SAE1: variants seen among roughly 807,000 people sequenced by gnomAD.
SAE1 encodes the protein SUMO1 activating enzyme subunit 1.
SAE1 carries 11 observed loss-of-function variants against 40.6 expected under a neutral mutation model. The ratio of observed to expected loss-of-function variants is 0.27; its 90% CI spans 0.17 to 0.45. SAE1 has a LOEUF of 0.45. SAE1 is among the 20% of genes least tolerant of loss of function. SAE1 has a pLI of 1.00. For missense variants in SAE1, 373 were observed against 427.3 expected (o/e 0.87, Z 1.12); for synonymous variants, 155 against 154.3 (o/e 1.00, Z -0.03).
intron 2 of SAE1, among the ~76,000 whole-genome samples, chr19:47,144,763 C>G (rs1267967975): frequency 2.0e-5 from 3 of 152,144 alleles, no homozygotes; most frequent in Non-Finnish European, 4.4e-5. Context: ...TGTGGGCAGA[C>G]TGCTTTGTAT....
intron 7 of SAE1, among the ~76,000 whole-genome samples, chr19:47,201,454 C>T (rs1178213769): frequency 1.5e-5 from 2 of 133,118 alleles, no homozygotes; most frequent in Non-Finnish European, 3.1e-5. Context: ...TTATTGCAAC[C>T]TCTGCCTCCC....
At chr19:47,200,656 G>A (rs756273086) in intron 7 of SAE1, among the ~76,000 whole-genome samples, 8 of 152,084 alleles carry the variant, frequency 5.3e-5, no homozygotes, top group Non-Finnish European at 7.4e-5. Flanking sequence ...ATAGACAGGC[G>A]TCAGCCACTT....
intron 6 of SAE1, among the ~76,000 whole-genome samples, chr19:47,189,244 T>C (rs1321046068): frequency 2.6e-5 from 4 of 152,166 alleles, no homozygotes; most frequent in Non-Finnish European, 4.4e-5. Flanking sequence ...TTTCCAGAGA[T>C]AGCGACTCTC....
chr19:47,162,267 T>G (rs909446295), intron 5 of SAE1, among the ~76,000 whole-genome samples: 8 of 152,250 alleles, frequency 5.3e-5, no homozygotes, highest in African/African-American at 1.9e-4. Flanking sequence ...ATGCTCATAA[T>G]TTGCTGTTAC....
rs190847017 is a variant in SAE1, at chr19:47,175,507, T to C, written c.733+5584T>C. Reference sequence around the variant, plus strand: ...ATCCCAGCACATTGTGAGGCTGAGGTGGGCAGATCATTTGAAGTCAGGAGT... The same window carrying C: ...ATCCCAGCACATTGTGAGGCTGAGGCGGGCAGATCATTTGAAGTCAGGAGT... On this transcript the variant is annotated intron_variant, in intron 6 of 8. Transcript: ENST00000270225. Among the ~76,000 whole-genome samples the C allele has an allele frequency of 5.5e-4, 83 of 152,170 alleles. 1 individual carries two copies. The East Asian group carries it at 7.7e-3, about 14-fold the overall frequency.
At chr19:47,204,260 C>T (rs1600220207) in intron 8 of SAE1, among the ~76,000 whole-genome samples, 2 of 137,640 alleles carry the variant, frequency 1.5e-5, no homozygotes, top group African/African-American at 2.8e-5. Flanking sequence ...TGCAGTAGCA[C>T]GATCTCAGAT....
intron 6 of SAE1, among the ~76,000 whole-genome samples, chr19:47,172,084 A>G (rs2058438394): frequency 6.8e-6 from 1 of 147,986 alleles, no homozygotes; most frequent in Admixed American, 6.8e-5. Context: ...ACACCCAGCT[A>G]ATTTTTGTAT....
At chr19:47,179,045 A>G (rs1326074023) in intron 6 of SAE1, among the ~76,000 whole-genome samples, 1 of 151,718 alleles carries the variant, frequency 6.6e-6, no homozygotes, top group African/African-American at 2.4e-5. Flanking sequence ...TACAAAAATT[A>G]GCCGGGCGTG....
intron 8 of SAE1, among the ~76,000 whole-genome samples, chr19:47,204,507 C>CG (rs895988815): frequency 2.9e-5 from 4 of 139,738 alleles, no homozygotes; most frequent in Non-Finnish European, 4.6e-5. Context: ...CGCACCCCCC[C>CG]CCTTTTTTTT....
chr19:47,147,215 T>G (rs1014325129), intron 2 of SAE1, among the ~76,000 whole-genome samples: 40 of 140,386 alleles, frequency 2.8e-4, no homozygotes, highest in African/African-American at 1.0e-3. Flanking sequence ...TTTTTTTTTT[T>G]TTTTTTTTTT....
chr19:47,139,372 G>A (rs1468806325), intron 1 of SAE1, among the ~76,000 whole-genome samples: 4 of 151,882 alleles, frequency 2.6e-5, no homozygotes, highest in African/African-American at 9.7e-5. Flanking sequence ...GTTTTGTACA[G>A]ATGGAGTCTT....
At chr19:47,135,490 G>A (rs896239231) in intron 1 of SAE1, 1 of 152,150 alleles carries the variant, frequency 6.6e-6, no homozygotes, top group African/African-American at 2.4e-5. Context: ...CCTCCCTGTT[G>A]TTGTAAATGA....
intron 5 of SAE1, among the ~76,000 whole-genome samples, chr19:47,167,007 A>G (rs971967166): frequency 3.3e-5 from 5 of 151,764 alleles, no homozygotes; most frequent in African/African-American, 1.2e-4. Flanking sequence ...GCTGGAGTGT[A>G]GTGGTGTGAC....
chr19:47,173,288 C>T (rs761695100), intron 6 of SAE1, among the ~76,000 whole-genome samples: 13 of 152,276 alleles, frequency 8.5e-5, no homozygotes, highest in Non-Finnish European at 1.6e-4. Flanking sequence ...TGAGCCACCG[C>T]GCCCGGCCCA....
chr19:47,132,540 A>G (rs1048843492), intron 1 of SAE1, among the ~76,000 whole-genome samples: 29 of 150,452 alleles, frequency 1.9e-4, no homozygotes, highest in Admixed American at 1.9e-3. Context: ...GACTCCTAAA[A>G]TGCTGGGATT....
intron 6 of SAE1, among the ~76,000 whole-genome samples, chr19:47,186,888 G>T (rs1273457206): frequency 6.6e-6 from 1 of 152,196 alleles, no homozygotes; most frequent in African/African-American, 2.4e-5. Context: ...AAAGTACTGT[G>T]TGGCTGTGGC....
intron 7 of SAE1, among the ~76,000 whole-genome samples, chr19:47,201,824 G>A (rs1430130035): frequency 3.3e-5 from 5 of 152,002 alleles, no homozygotes; most frequent in Non-Finnish European, 2.9e-5. Flanking sequence ...GTAGAGACGG[G>A]GTTTCACTAT....
intron 1 of SAE1, among the ~76,000 whole-genome samples, chr19:47,136,924 A>G (rs1166123787): frequency 1.3e-5 from 2 of 152,282 alleles, no homozygotes; most frequent in East Asian, 3.9e-4. Flanking sequence ...GGAGGGTTCT[A>G]GGTGGGATAG....
Position 47,153,002 on chromosome 19 carries a change from A to G in SAE1, c.489A>G (p.Gly163=), listed in dbSNP as rs780012607. ...FFTGDVFGYH[G]YTFANLGEHE... ...CAGGAGATGTTTTTGGCTACCATGG[A>G]TACACATTTGCCAATCTAGGAGAGC... The change falls in exon 4 of 9, where the codon GGA becomes GGG. Residue 163 remains glycine (G), a synonymous_variant. Coordinates refer to ENST00000270225, the MANE Select transcript of SAE1 (RefSeq NM_005500.3). The G allele has an allele frequency of 6.2e-7, 1 of 1,613,628 alleles. No homozygotes were observed.
Sources: gnomAD v4.1 joint callset for allele counts (sites outside exome capture counted in the v4.1 genomes callset) on GRCh38, gnomAD v4.1.1 for gene constraint, MANE v1.5 for transcripts, NCBI Gene and HGNC (gene_info 2026-07-23, HGNC 2026-07-21) for gene names.